GRID2: variants seen among roughly 807,000 people sequenced by gnomAD.
GRID2 encodes the protein glutamate receptor ionotropic, delta-2.
In GRID2, 33 loss-of-function variants were observed where a neutral mutation model predicts 114.8. The observed-to-expected ratio is 0.29, with a 90% CI of 0.22 to 0.38. The LOEUF (loss-of-function observed/expected upper bound fraction) is 0.38, where lower values mean the gene tolerates loss of function less well. Ranked by LOEUF, GRID2 falls within the 10% of genes least tolerant of loss-of-function variation. The pLI is 1.00. For synonymous variants in GRID2, 505 were observed against 449.9 expected, an observed-to-expected ratio of 1.12 and a Z score of -1.55; for missense variants, 1,184 against 1,257.7, an observed-to-expected ratio of 0.94 and a Z score of 0.89.
At chr4:92,935,023 C>T (rs1328409471) in intron 2 of GRID2, among the ~76,000 whole-genome samples, 2 of 146,190 alleles carry the variant, frequency 1.4e-5, no homozygotes, top group Non-Finnish European at 3.0e-5. Flanking sequence ...GCAACAAAAG[C>T]CAAAATTGAC....
At chr4:93,102,322 C>T (rs1416150892) in intron 3 of GRID2, among the ~76,000 whole-genome samples, 2 of 152,066 alleles carry the variant, frequency 1.3e-5, no homozygotes, top group Admixed American at 1.3e-4. Context: ...TAAACTGTTT[C>T]TGAAAATTAG....
At chr4:93,510,598 A>C (rs937486922) in intron 12 of GRID2, among the ~76,000 whole-genome samples, 1 of 152,210 alleles carries the variant, frequency 6.6e-6, no homozygotes, top group Non-Finnish European at 1.5e-5. Flanking sequence ...TTAGTATCAT[A>C]GAGTCACACA....
intron 1 of GRID2, among the ~76,000 whole-genome samples, chr4:92,367,662 A>G (rs1728933568): frequency 6.6e-6 from 1 of 152,100 alleles, no homozygotes; most frequent in Non-Finnish European, 1.5e-5. Flanking sequence ...TACATAAGCT[A>G]TGGTATTTTC....
At chr4:92,364,597 T>C (rs1281804413) in intron 1 of GRID2, among the ~76,000 whole-genome samples, 1 of 152,034 alleles carries the variant, frequency 6.6e-6, no homozygotes, top group Non-Finnish European at 1.5e-5. Flanking sequence ...GTATAGACTT[T>C]AAAGGGTGAA....
In GRID2 at chr4:93,321,644, C is replaced by T. The variant is rs140005133; in HGVS notation, c.1246-73963C>T. Among the ~76,000 whole-genome samples, 5 of 152,140 alleles carry T rather than the reference C, an allele frequency of 3.3e-5. No individual in the cohort carries two copies. In the East Asian group the frequency reaches 9.7e-4, roughly 29 times the overall value. On this transcript the variant is annotated intron_variant, in intron 8 of 15. Transcript: ENST00000282020. ...TTAAACCTAATATATTCTTACCTCA[C>T]ACAGTTGTCAGTTTTTTTTTCTTTG...
At chr4:92,743,532 T>G (rs1736999753) in intron 2 of GRID2, among the ~76,000 whole-genome samples, 1 of 152,188 alleles carries the variant, frequency 6.6e-6, no homozygotes, top group African/African-American at 2.4e-5. Context: ...TTTTCTTCAC[T>G]ACATATTTTT....
At chr4:93,091,346 A>G (rs756113442) in intron 3 of GRID2, among the ~76,000 whole-genome samples, 15 of 152,150 alleles carry the variant, frequency 9.9e-5, no homozygotes, top group Non-Finnish European at 1.5e-4. Flanking sequence ...TTCTAAGAAT[A>G]AAAGAATGGC....
intron 9 of GRID2, among the ~76,000 whole-genome samples, chr4:93,405,690 A>G (rs1451128636): frequency 2.0e-5 from 3 of 152,182 alleles, no homozygotes; most frequent in Non-Finnish European, 4.4e-5. Flanking sequence ...AAATTACATG[A>G]ACTACATTAT....
At chr4:92,343,666 G>A (rs201151786) in intron 1 of GRID2, among the ~76,000 whole-genome samples, 5 of 151,328 alleles carry the variant, frequency 3.3e-5, no homozygotes, top group East Asian at 3.9e-4. Context: ...CTCTGCCTCC[G>A]AGGTTCAAGC....
At chr4:92,826,838 T>G (rs896641098) in intron 2 of GRID2, among the ~76,000 whole-genome samples, 2 of 152,102 alleles carry the variant, frequency 1.3e-5, no homozygotes, top group Non-Finnish European at 2.9e-5. Flanking sequence ...TTAGGCAATC[T>G]GATTTTATAG....
At chr4:92,791,273 C>T (rs1036292076) in intron 2 of GRID2, among the ~76,000 whole-genome samples, 1 of 151,584 alleles carries the variant, frequency 6.6e-6, no homozygotes, top group Non-Finnish European at 1.5e-5. Flanking sequence ...TATTACTTCC[C>T]GCCAGTATCA....
chr4:93,702,444 A>G lies in GRID2; in HGVS notation c.2361-66766A>G, dbSNP rs369742021. Among the ~76,000 whole-genome samples, 4 of 152,280 alleles carry G rather than the reference A, an allele frequency of 2.6e-5. No individual in the cohort carries two copies. In the South Asian group the frequency reaches 6.2e-4, roughly 24 times the overall value. ...AGTTCATTCACTTTAAATGCTTCAC[A>G]GTATTCCATCGTAGGAATGCATTAA... On this transcript the variant is annotated intron_variant, in intron 14 of 15. Transcript: ENST00000282020.
At chr4:92,922,356 C>A (rs1749431312) in intron 2 of GRID2, among the ~76,000 whole-genome samples, 1 of 152,128 alleles carries the variant, frequency 6.6e-6, no homozygotes, top group South Asian at 2.1e-4. Flanking sequence ...CTCTGTCCTG[C>A]ACCCACTGTC....
intron 2 of GRID2, among the ~76,000 whole-genome samples, chr4:92,854,695 C>T (rs924965445): frequency 4.0e-5 from 6 of 151,526 alleles, no homozygotes; most frequent in Admixed American, 2.0e-4. Context: ...TAAAGTTTTA[C>T]GAACAAGTGC....
At chr4:92,444,290 G>C (rs1385502103) in intron 1 of GRID2, among the ~76,000 whole-genome samples, 1 of 152,166 alleles carries the variant, frequency 6.6e-6, no homozygotes, top group African/African-American at 2.4e-5. Context: ...GGCAGGCTGA[G>C]TCCGTAAAGA....
At chr4:93,755,756 T>G (rs1732692186) in intron 14 of GRID2, among the ~76,000 whole-genome samples, 1 of 152,174 alleles carries the variant, frequency 6.6e-6, no homozygotes, top group Non-Finnish European at 1.5e-5. Flanking sequence ...AGAACAAAGT[T>G]TTTGAAGATC....
At chr4:92,896,711 A>G (rs2149475823) in intron 2 of GRID2, among the ~76,000 whole-genome samples, 1 of 152,258 alleles carries the variant, frequency 6.6e-6, no homozygotes, top group East Asian at 1.9e-4. Context: ...GGTTCATTAG[A>G]TTGAATTCTG....
intron 1 of GRID2, among the ~76,000 whole-genome samples, chr4:92,471,609 T>G (rs768765439): frequency 6.6e-6 from 1 of 152,172 alleles, no homozygotes; most frequent in African/African-American, 2.4e-5. Flanking sequence ...ACATGCATTT[T>G]AAAATATTTA....
chr4:92,772,976 C>T lies in GRID2; in HGVS notation c.244+182690C>T, dbSNP rs147783564. ...TTGCTGGATATTTTACATGCTCTGT[C>T]AAGTCATTCTAGAAAAATCACCTAC... On this transcript the variant is annotated intron_variant, in intron 2 of 15. Transcript: ENST00000282020. 3.9e-3 allele frequency among the ~76,000 whole-genome samples: 598 copies of T among 152,292 alleles called. 5 individuals are homozygous for T. The highest frequency in any genetic ancestry group is 0.014 in the African/African-American group (565 of 41,560).
Sources: allele counts gnomAD v4.1 joint callset (sites outside exome capture counted in the v4.1 genomes callset), GRCh38; gene constraint gnomAD v4.1.1; transcripts MANE v1.5; gene names NCBI Gene and HGNC (gene_info 2026-07-23, HGNC 2026-07-21).